Variants in RYR2 observed in about 807,000 individuals in gnomAD.
RYR2 encodes the protein ryanodine receptor 2, also known as cardiac muscle ryanodine receptor-calcium release channel.
RYR2 carries 227 observed loss-of-function variants against 601.1 expected under a neutral mutation model. The observed-to-expected ratio is 0.38, with a 90% CI of 0.34 to 0.42. RYR2 has a LOEUF of 0.42. Among genes scored for constraint, RYR2 ranks in the 10% least tolerant of loss-of-function variants. The pLI, the probability that RYR2 is intolerant of heterozygous loss-of-function variation, is 1.00. For missense variants in RYR2, 4,646 were observed against 6,156.5 expected, an observed-to-expected ratio of 0.75 and a Z score of 8.21; for synonymous variants, 2,223 against 2,175.1, an observed-to-expected ratio of 1.02 and a Z score of -0.61.
intron 6 of RYR2, among the ~76,000 whole-genome samples, chr1:237,371,077 T>A (rs1381699495): frequency 6.6e-6 from 1 of 152,032 alleles, no homozygotes; most frequent in Non-Finnish European, 1.5e-5. Flanking sequence ...GTTGGAGGCT[T>A]TTAAAAAAAG....
chr1:237,498,215 G>A lies in RYR2; in HGVS notation c.2203+1463G>A, dbSNP rs143037352. 3.9e-5 allele frequency among the ~76,000 whole-genome samples: 6 copies of A among 152,056 alleles called. No homozygotes were observed. The East Asian group carries it at 1.2e-3, about 29-fold the overall frequency. On this transcript the variant is annotated intron_variant, in intron 20 of 104. Transcript: ENST00000366574. ...ATAAAAGGTATATATATATTTATGG[G>A]GTTGAAGCTGTGTTTTGCATATTTC...
In RYR2 at chr1:237,544,184, G is replaced by T. The variant is rs74150108; in HGVS notation, c.2907-4247G>T. Reference sequence around the variant, plus strand: ...AAAGTATTTTGATACTTTGTAAAGTGAGCATATTAAATCATTTGTTTAATT... The same window carrying T: ...AAAGTATTTTGATACTTTGTAAAGTTAGCATATTAAATCATTTGTTTAATT... On this transcript the variant is annotated intron_variant, in intron 25 of 104. Transcript: ENST00000366574. Among the ~76,000 whole-genome samples, 935 of 152,216 alleles carry T rather than the reference G, an allele frequency of 6.1e-3. 8 individuals are homozygous for T. Among genetic ancestry groups the T allele is most frequent in the African/African-American group, 0.022 (899 of 41,530 alleles).
intron 17 of RYR2, among the ~76,000 whole-genome samples, chr1:237,482,048 A>G (rs1175976476): frequency 6.6e-6 from 1 of 152,002 alleles, no homozygotes; most frequent in Non-Finnish European, 1.5e-5. Context: ...CTACTTTTTT[A>G]ATTTTATGAG....
At chr1:237,297,065 CAAAT>C (rs1359881306) in intron 2 of RYR2, among the ~76,000 whole-genome samples, 3 of 151,862 alleles carry the variant, frequency 2.0e-5, no homozygotes, top group Non-Finnish European at 2.9e-5. Context: ...AATGACGTAA[CAAAT>C]GAATGTATCT....
At chr1:237,253,967 CTG>C (rs1341651813) in intron 1 of RYR2, among the ~76,000 whole-genome samples, 3 of 152,148 alleles carry the variant, frequency 2.0e-5, no homozygotes, top group South Asian at 2.1e-4. Context: ...TTATATTTCA[CTG>C]TGTTTTTCAA....
chr1:237,164,131 CA>C (rs1676355108), intron 1 of RYR2, among the ~76,000 whole-genome samples: 1 of 152,136 alleles, frequency 6.6e-6, no homozygotes, highest in Non-Finnish European at 1.5e-5. Context: ...ACTAAAAATA[CA>C]AAAAATTAGA....
At chr1:237,786,782 C>CACT (rs1657638761) in intron 91 of RYR2, among the ~76,000 whole-genome samples, 1 of 152,156 alleles carries the variant, frequency 6.6e-6, no homozygotes, top group Admixed American at 6.5e-5. Context: ...CCTGTAGTGC[C>CACT]ACTATTCTCC....
chr1:237,414,633 T>C (rs1454742595), intron 10 of RYR2, among the ~76,000 whole-genome samples: 1 of 152,204 alleles, frequency 6.6e-6, no homozygotes, highest in Non-Finnish European at 1.5e-5. Context: ...AAATCAGCCG[T>C]TGGCATGTAT....
intron 2 of RYR2, among the ~76,000 whole-genome samples, chr1:237,272,613 A>G (rs1689813364): frequency 6.7e-6 from 1 of 148,920 alleles, no homozygotes; most frequent in South Asian, 2.1e-4. Flanking sequence ...TGCTTAATAT[A>G]TAATTTATAT....
intron 38 of RYR2, among the ~76,000 whole-genome samples, chr1:237,623,127 A>G (rs932872425): frequency 6.6e-6 from 1 of 152,236 alleles, no homozygotes; most frequent in South Asian, 2.1e-4. Flanking sequence ...TAAAAATAGC[A>G]TTTAGATCTC....
At chr1:237,295,666 A>G (rs1252710922) in intron 2 of RYR2, among the ~76,000 whole-genome samples, 1 of 152,252 alleles carries the variant, frequency 6.6e-6, no homozygotes, top group African/African-American at 2.4e-5. Context: ...TTTTACCGCT[A>G]GAATCTCTAT....
chr1:237,445,653 C>T (rs529489105), intron 14 of RYR2, 131 bp downstream of exon 14: 26 of 1,070,740 alleles, frequency 2.4e-5, no homozygotes, highest in Admixed American at 1.3e-4. Context: ...TCAGCAGAAA[C>T]GTTAGGAAGT....
intron 99 of RYR2, among the ~76,000 whole-genome samples, chr1:237,807,557 G>T (rs367823081): frequency 1.3e-5 from 2 of 152,174 alleles, no homozygotes; most frequent in African/African-American, 4.8e-5. Context: ...TCACCATGTT[G>T]GCCAGGCTGG....
chr1:237,259,358 A>G (rs1348702448), intron 1 of RYR2, among the ~76,000 whole-genome samples: 1 of 151,992 alleles, frequency 6.6e-6, no homozygotes, highest in African/African-American at 2.4e-5. Context: ...AAATACAAAA[A>G]TTAGCCAGGC....
intron 35 of RYR2, among the ~76,000 whole-genome samples, chr1:237,602,530 A>G (rs1676623515): frequency 6.6e-6 from 1 of 152,188 alleles, no homozygotes; most frequent in African/African-American, 2.4e-5. Flanking sequence ...AGAAGAGGTA[A>G]CATTTAGTTT....
At chr1:237,542,080 T>G (rs200693320) in intron 25 of RYR2, among the ~76,000 whole-genome samples, 6 of 66,958 alleles carry the variant, frequency 9.0e-5, no homozygotes, top group African/African-American at 2.3e-4. Context: ...ATTTATTTAT[T>G]TATTTATTTA....
In RYR2 at chr1:237,149,067, T is replaced by C. The variant is rs116682993; in HGVS notation, c.48+106498T>C. On this transcript the variant is annotated intron_variant, in intron 1 of 104. Coordinates refer to ENST00000366574, the MANE Select transcript of RYR2 (RefSeq NM_001035.3). Reference sequence around the variant, plus strand: ...CAAGTAGGATAAATTGTTCAAAGCATTTCTGGAGTGTTCAGAGAGTCAAAT... The same window carrying C: ...CAAGTAGGATAAATTGTTCAAAGCACTTCTGGAGTGTTCAGAGAGTCAAAT... 6.3e-3 allele frequency among the ~76,000 whole-genome samples: 961 copies of C among 152,296 alleles called. 7 individuals carry two copies. The highest frequency in any genetic ancestry group is 0.02 in the Middle Eastern group (6 of 294).
Position 237,407,777 on chromosome 1 carries a change from C to A in RYR2, c.774-9272C>A, listed in dbSNP as rs144524583. 2.0e-5 allele frequency among the ~76,000 whole-genome samples: 3 copies of A among 151,874 alleles called. No individual in the cohort carries two copies. In the South Asian group the frequency reaches 6.2e-4, roughly 32 times the overall value. On this transcript the variant is annotated intron_variant, in intron 10 of 104. Coordinates refer to ENST00000366574, the MANE Select transcript of RYR2 (RefSeq NM_001035.3). ...GACTACAGGTGCCCACCACCATGCC[C>A]GGCTAATTTTTTGTGTTTTTAGTAG...
chr1:237,390,129 G>A (rs567951496), intron 10 of RYR2, among the ~76,000 whole-genome samples: 1 of 146,516 alleles, frequency 6.8e-6, no homozygotes, highest in Non-Finnish European at 1.5e-5. Flanking sequence ...TTGTGGATAT[G>A]TTAAATGCTA....
Sources: gnomAD v4.1 joint callset for allele counts (sites outside exome capture counted in the v4.1 genomes callset) on GRCh38, gnomAD v4.1.1 for gene constraint, MANE v1.5 for transcripts, NCBI Gene and HGNC (gene_info 2026-07-23, HGNC 2026-07-21) for gene names.